The following CSMD1 variants were observed in gnomAD, a reference collection of about 807,000 sequenced individuals.
The protein encoded by CSMD1 is CUB and sushi domain-containing protein 1.
A neutral mutation model predicts 417.5 loss-of-function variants in CSMD1; 213 were observed. The observed-to-expected ratio is 0.51, with a 90% CI of 0.46 to 0.57. The LOEUF (loss-of-function observed/expected upper bound fraction) is 0.57, where lower values mean the gene tolerates loss of function less well. Among genes scored for constraint, CSMD1 ranks in the 20% least tolerant of loss-of-function variants. The pLI is 0.00. For synonymous variants in CSMD1, 2,862 were observed against 1,736.8 expected (o/e 1.65, Z -16.11); for missense variants, 6,923 against 4,529.7 (o/e 1.53, Z -15.17).
chr8:4,262,384 C>A (rs570665107), intron 3 of CSMD1, among the ~76,000 whole-genome samples: 2 of 152,294 alleles, frequency 1.3e-5, no homozygotes, highest in South Asian at 4.2e-4. Context: ...TGAAAGGAAT[C>A]CCAAACCAGA....
chr8:4,986,006 G>T (rs1236630742), intron 1 of CSMD1, among the ~76,000 whole-genome samples: 1 of 152,110 alleles, frequency 6.6e-6, no homozygotes, highest in Non-Finnish European at 1.5e-5. Context: ...TTTGTGAAGT[G>T]CCGATCATAC....
chr8:3,205,561 G>C lies in CSMD1; in HGVS notation c.4927C>G (p.His1643Asp). ...EGVVLSPNYP[H>D]NYTAGQICLY... ...CATATTTGACCAGCTGTGTAATTAT[G>C]GGGGTAGTTTGGTGATAAAACTACC... Residue 1643 changes from histidine (H) to aspartate (D), a missense_variant, in exon 31 of 70, where the codon CAT becomes GAT. Physicochemically the swap from His to Asp is moderately conservative, Grantham distance 81 (BLOSUM62 -1). Transcript: ENST00000635120. 2 of 1,602,952 alleles carry C rather than the reference G, an allele frequency of 1.2e-6. No homozygotes were observed. Among genetic ancestry groups the C allele is most frequent in the Non-Finnish European group, 1.7e-6 (2 of 1,173,584 alleles).
chr8:4,007,765 G>T (rs1174566688), intron 4 of CSMD1, among the ~76,000 whole-genome samples: 2 of 150,894 alleles, frequency 1.3e-5, no homozygotes, highest in African/African-American at 4.9e-5. Flanking sequence ...CTATTCATTT[G>T]TCTTTAACAA....
chr8:3,577,490 G>A (rs1800200526), intron 9 of CSMD1, among the ~76,000 whole-genome samples: 2 of 151,914 alleles, frequency 1.3e-5, no homozygotes, highest in Non-Finnish European at 2.9e-5. Context: ...TTTTTATTAA[G>A]CCATCAAAAT....
intron 12 of CSMD1, among the ~76,000 whole-genome samples, chr8:3,462,295 G>C (rs1188525196): frequency 3.9e-5 from 6 of 152,130 alleles, no homozygotes; most frequent in South Asian, 4.1e-4. Context: ...CCTAGCTCCA[G>C]ACCTCCCTGT....
chr8:4,461,020 T>A (rs1037956783), intron 2 of CSMD1, among the ~76,000 whole-genome samples: 1 of 152,028 alleles, frequency 6.6e-6, no homozygotes, highest in South Asian at 2.1e-4. Flanking sequence ...TCAAAACAAA[T>A]CAAGAAATTC....
intron 3 of CSMD1, among the ~76,000 whole-genome samples, chr8:4,072,869 A>T (rs1017415388): frequency 3.9e-5 from 6 of 152,198 alleles, no homozygotes; most frequent in African/African-American, 1.4e-4. Flanking sequence ...TTGAAAATAA[A>T]CCCAACCTCT....
intron 2 of CSMD1, among the ~76,000 whole-genome samples, chr8:4,498,236 C>T (rs1227998106): frequency 6.6e-6 from 1 of 152,154 alleles, no homozygotes; most frequent in Non-Finnish European, 1.5e-5. Flanking sequence ...GCTGACTCAA[C>T]TCTTGCTTAG....
rs1020554984 is a variant in CSMD1 at position 3,946,679 on chromosome 8, T to C, written c.818+51224A>G. ...ATCTTGAAAGCCCTGCATCTTCTCATTCATGGTCTAGTGTATCTCCCCTTT... is the reference window on the plus strand; with the variant it reads ...ATCTTGAAAGCCCTGCATCTTCTCACTCATGGTCTAGTGTATCTCCCCTTT... On this transcript the variant is annotated intron_variant, in intron 5 of 69. Coordinates refer to ENST00000635120, the MANE Select transcript of CSMD1 (RefSeq NM_033225.6). 3.3e-5 allele frequency among the ~76,000 whole-genome samples: 5 copies of C among 152,170 alleles called. No individual in the cohort carries two copies. The East Asian group carries it at 9.6e-4, about 29-fold the overall frequency.
intron 1 of CSMD1, among the ~76,000 whole-genome samples, chr8:4,776,057 T>G (rs1285340157): frequency 6.6e-6 from 1 of 152,052 alleles, no homozygotes; most frequent in Non-Finnish European, 1.5e-5. Flanking sequence ...GTGATGATTC[T>G]AGGAAATGAG....
intron 1 of CSMD1, among the ~76,000 whole-genome samples, chr8:4,913,570 G>C (rs138096669): frequency 6.6e-6 from 1 of 152,206 alleles, no homozygotes; most frequent in Non-Finnish European, 1.5e-5. Context: ...CAACATATGC[G>C]TCCACAGCTC....
At position 4,788,085 on chromosome 8, in the gene CSMD1, C is replaced by G. The variant is rs916512686; in HGVS notation, c.86-150527G>C. The G allele has an allele frequency of 3.7e-6, 6 of 1,601,296 alleles. No homozygotes were observed. In the African/African-American group the frequency reaches 6.7e-5, roughly 18 times the overall value. Reference sequence around the variant, plus strand: ...GTGGGTTGCAGAGAAAGTAGAGTTGCTTTTGAAATCAGAAAGTCAGTGCAG... The same window carrying G: ...GTGGGTTGCAGAGAAAGTAGAGTTGGTTTTGAAATCAGAAAGTCAGTGCAG... On this transcript the variant is annotated intron_variant, in intron 1 of 69. Coordinates refer to ENST00000635120, the MANE Select transcript of CSMD1 (RefSeq NM_033225.6).
intron 3 of CSMD1, among the ~76,000 whole-genome samples, chr8:4,111,796 G>A (rs187154384): frequency 1.3e-5 from 2 of 152,098 alleles, no homozygotes; most frequent in Non-Finnish European, 2.9e-5. Context: ...GAGAGCATCA[G>A]GATAAATAGC....
intron 3 of CSMD1, among the ~76,000 whole-genome samples, chr8:4,368,359 C>G (rs1421250897): frequency 6.6e-6 from 1 of 152,084 alleles, no homozygotes; most frequent in African/African-American, 2.4e-5. Context: ...GGTGAATTAG[C>G]TTTTTCATCT....
chr8:4,352,826 C>A (rs1046070083), intron 3 of CSMD1, among the ~76,000 whole-genome samples: 1 of 152,118 alleles, frequency 6.6e-6, no homozygotes, highest in African/African-American at 2.4e-5. Context: ...ATGGTTCAAA[C>A]GAACTCAAAC....
chr8:4,342,837 A>T (rs4875337), intron 3 of CSMD1, among the ~76,000 whole-genome samples: 64,160 of 151,886 alleles, frequency 0.42, 16,277 homozygotes, highest in East Asian at 0.66. Flanking sequence ...AAAAAGCAGG[A>T]AGTGAGTCAC....
At chr8:4,869,700 G>T (rs1802622571) in intron 1 of CSMD1, among the ~76,000 whole-genome samples, 2 of 151,878 alleles carry the variant, frequency 1.3e-5, no homozygotes, top group Admixed American at 6.6e-5. Context: ...TATTAATCTT[G>T]AAAATACCTT....
chr8:4,153,354 T>G (rs1454216929), intron 3 of CSMD1, among the ~76,000 whole-genome samples: 1 of 152,228 alleles, frequency 6.6e-6, no homozygotes, highest in African/African-American at 2.4e-5. Flanking sequence ...ACTGTGTCTC[T>G]TTCTACATTC....
chr8:4,174,905 C>T (rs1797960227), intron 3 of CSMD1, among the ~76,000 whole-genome samples: 1 of 150,688 alleles, frequency 6.6e-6, no homozygotes, highest in Non-Finnish European at 1.5e-5. Flanking sequence ...CACACTCTGA[C>T]ATCTTTGCAG....
Sources: allele counts gnomAD v4.1 joint callset (sites outside exome capture counted in the v4.1 genomes callset), GRCh38; gene constraint gnomAD v4.1.1; transcripts MANE v1.5; gene names NCBI Gene and HGNC (gene_info 2026-07-23, HGNC 2026-07-21).